The following GAB2 variants were observed in gnomAD, a reference collection of about 807,000 sequenced individuals.
The protein encoded by GAB2 is GRB2 associated binding protein 2.
In GAB2, 26 loss-of-function variants were observed where a neutral mutation model predicts 65.5. That is an observed-to-expected ratio of 0.40 (90% CI 0.29 to 0.55). The LOEUF (loss-of-function observed/expected upper bound fraction) is 0.55, where lower values mean the gene tolerates loss of function less well. GAB2 is among the 20% of genes least tolerant of loss of function. The pLI is 0.53. For synonymous variants in GAB2, 321 were observed against 329.6 expected (o/e 0.97, Z 0.28); for missense variants, 884 against 875.8 (o/e 1.01, Z -0.12).
At chr11:78,375,156 C>T (rs772785230) in intron 1 of GAB2, among the ~76,000 whole-genome samples, 7 of 152,116 alleles carry the variant, frequency 4.6e-5, no homozygotes, top group Non-Finnish European at 8.8e-5. Flanking sequence ...GCAATCCTCC[C>T]GCCTCAGCCT....
intron 1 of GAB2, among the ~76,000 whole-genome samples, chr11:78,343,316 C>T (rs927600727): frequency 1.3e-5 from 2 of 149,632 alleles, no homozygotes; most frequent in African/African-American, 4.9e-5. Flanking sequence ...ATTCATTTTC[C>T]TCCCAAACCC....
chr11:78,295,022 T>A (rs576740782), intron 1 of GAB2, among the ~76,000 whole-genome samples: 2 of 152,024 alleles, frequency 1.3e-5, no homozygotes, highest in Non-Finnish European at 2.9e-5. Flanking sequence ...GAATCTACAA[T>A]GAACTCAAAC....
At chr11:78,352,463 A>T in intron 1 of GAB2, among the ~76,000 whole-genome samples, 1 of 152,352 alleles carries the variant, frequency 6.6e-6, no homozygotes, top group East Asian at 1.9e-4. Flanking sequence ...AGTTGAAAGC[A>T]TGTGATAAGC....
At chr11:78,367,979 G>C (rs1168719524) in intron 1 of GAB2, among the ~76,000 whole-genome samples, 3 of 152,008 alleles carry the variant, frequency 2.0e-5, no homozygotes, top group Admixed American at 2.0e-4. Flanking sequence ...ACTGCGCCCG[G>C]CTAATTTTTT....
rs576869304 is a variant in GAB2 at position 78,396,341 on chromosome 11, G to A, written c.75+21305C>T. Among the ~76,000 whole-genome samples, 69 of 152,310 alleles carry A rather than the reference G, an allele frequency of 4.5e-4. 1 individual carries two copies. In the South Asian group the frequency reaches 0.013, roughly 29 times the overall value. ...CAGCAAAATATCTACTGTTGTTAACGTGAATTATATGGATTCTGAAGTTTT... is the reference window on the plus strand; with the variant it reads ...CAGCAAAATATCTACTGTTGTTAACATGAATTATATGGATTCTGAAGTTTT... On this transcript the variant is annotated intron_variant, in intron 1 of 9. Transcript: ENST00000361507.
intron 1 of GAB2, among the ~76,000 whole-genome samples, chr11:78,409,458 C>T (rs568048741): frequency 6.6e-6 from 1 of 152,218 alleles, no homozygotes; most frequent in East Asian, 1.9e-4. Flanking sequence ...GTGGCGCATG[C>T]CTGTAATCCC....
At chr11:78,257,998 G>A (rs1268037119) in intron 2 of GAB2, among the ~76,000 whole-genome samples, 1 of 152,166 alleles carries the variant, frequency 6.6e-6, no homozygotes, top group East Asian at 1.9e-4. Context: ...TGGTACTAGG[G>A]AAGGAAAGTT....
intron 1 of GAB2, among the ~76,000 whole-genome samples, chr11:78,403,349 T>C (rs767757543): frequency 6.6e-6 from 1 of 152,236 alleles, no homozygotes; most frequent in Non-Finnish European, 1.5e-5. Context: ...CTATGTAAGT[T>C]TAAAATAATC....
At chr11:78,242,994 C>T (rs989093434) in intron 3 of GAB2, among the ~76,000 whole-genome samples, 1 of 151,788 alleles carries the variant, frequency 6.6e-6, no homozygotes, top group Non-Finnish European at 1.5e-5. Context: ...GAAACTCCGT[C>T]TCTACTAAAA....
chr11:78,326,636 G>A (rs955671227), intron 1 of GAB2, among the ~76,000 whole-genome samples: 2 of 152,094 alleles, frequency 1.3e-5, no homozygotes, highest in Non-Finnish European at 2.9e-5. Flanking sequence ...TTTGTGTGTG[G>A]TGTCTGCATT....
chr11:78,321,530 G>A (rs1209669357), intron 1 of GAB2, among the ~76,000 whole-genome samples: 1 of 152,138 alleles, frequency 6.6e-6, no homozygotes, highest in Non-Finnish European at 1.5e-5. Flanking sequence ...GCGGAGAAAT[G>A]GTTCCTGTAA....
chr11:78,282,755 C>G (rs1216529627), intron 1 of GAB2, among the ~76,000 whole-genome samples: 1 of 152,186 alleles, frequency 6.6e-6, no homozygotes, highest in Non-Finnish European at 1.5e-5. Context: ...CCCTGAAGCA[C>G]TACAAATGTC....
At chr11:78,221,590 A>G in intron 8 of GAB2, 87 bp downstream of exon 8, 1 of 716,980 alleles carries the variant, frequency 1.4e-6, no homozygotes, top group African/African-American at 1.8e-5. Flanking sequence ...GGCTGAGGTG[A>G]GTTAGCTAAG....
At chr11:78,302,523 C>A (rs1388610174) in intron 1 of GAB2, among the ~76,000 whole-genome samples, 11 of 150,400 alleles carry the variant, frequency 7.3e-5, no homozygotes, top group Middle Eastern at 6.8e-3. Context: ...AAAAAAAAAA[C>A]AAAACAGATG....
chr11:78,252,895 A>G (rs1865494137), intron 2 of GAB2, among the ~76,000 whole-genome samples: 1 of 151,994 alleles, frequency 6.6e-6, no homozygotes, highest in Non-Finnish European at 1.5e-5. Context: ...CCAGAAGTCC[A>G]GGCATTATCT....
intron 1 of GAB2, among the ~76,000 whole-genome samples, chr11:78,287,362 T>C (rs918799223): frequency 1.0e-4 from 14 of 138,294 alleles, no homozygotes; most frequent in African/African-American, 4.2e-4. Flanking sequence ...CACTGCAGCC[T>C]CAACCTCCTG....
chr11:78,249,570 T>C (rs1337391676), intron 3 of GAB2, among the ~76,000 whole-genome samples: 2 of 152,216 alleles, frequency 1.3e-5, no homozygotes, highest in African/African-American at 4.8e-5. Context: ...GAGTCCTTGC[T>C]CTAGAACTTC....
At chr11:78,330,308 C>T (rs1011686652) in intron 1 of GAB2, among the ~76,000 whole-genome samples, 6 of 152,170 alleles carry the variant, frequency 3.9e-5, no homozygotes, top group Non-Finnish European at 5.9e-5. Context: ...TTCCATTTCT[C>T]ACAGTGATCC....
At chr11:78,219,488 G>T in intron 9 of GAB2, 73 bp from the exon 10 acceptor site, 2 of 1,397,964 alleles carry the variant, frequency 1.4e-6, no homozygotes, top group African/African-American at 1.4e-5. Context: ...AGGTGGGCAC[G>T]GGATCTTCCT....
Sources: allele counts gnomAD v4.1 joint callset (sites outside exome capture counted in the v4.1 genomes callset), GRCh38; gene constraint gnomAD v4.1.1; transcripts MANE v1.5; gene names NCBI Gene and HGNC (gene_info 2026-07-23, HGNC 2026-07-21).